The following TENM2 variants were observed in gnomAD, a reference collection of about 807,000 sequenced individuals.
The protein encoded by TENM2 is teneurin transmembrane protein 2, also known as teneurin-2.
TENM2 carries 52 observed loss-of-function variants against 245.2 expected under a neutral mutation model. The observed-to-expected ratio is 0.21, with a 90% CI of 0.17 to 0.27. The LOEUF is 0.27. Among genes scored for constraint, TENM2 ranks in the 10% least tolerant of loss-of-function variants. TENM2 has a pLI of 1.00. For synonymous variants in TENM2, 1,363 were observed against 1,438.9 expected, an observed-to-expected ratio of 0.95 and a Z score of 1.19; for missense variants, 3,046 against 3,666.8, an observed-to-expected ratio of 0.83 and a Z score of 4.37.
rs767211979 is a variant in TENM2 at position 168,204,630 on chromosome 5, C to G, written c.3824+9C>G. On this transcript the variant is annotated intron_variant, in intron 19 of 28. Transcript: ENST00000518659. ...AGCATCTTGGAGTTACGGTAAATGG[C>G]CTCACAGGCAACCTTCTTTTGCTCT... 1 of 1,611,936 alleles carries G rather than the reference C, an allele frequency of 6.2e-7. No individual in the cohort carries two copies. The highest frequency in any genetic ancestry group is 1.1e-5 in the South Asian group (1 of 90,966).
At chr5:168,184,189 T>A (rs1240316671) in intron 13 of TENM2, among the ~76,000 whole-genome samples, 2 of 152,244 alleles carry the variant, frequency 1.3e-5, no homozygotes, top group African/African-American at 4.8e-5. Flanking sequence ...CTCATGTTTT[T>A]AACCAATCCA....
the TENM2 span, among the ~76,000 whole-genome samples, chr5:167,047,693 G>A: frequency 6.6e-6 from 1 of 152,142 alleles, no homozygotes; most frequent in Admixed American, 6.6e-5. Flanking sequence ...GATTCTTTTT[G>A]AAGAGAACCT....
the TENM2 span, among the ~76,000 whole-genome samples, chr5:167,140,857 A>G: frequency 7.9e-5 from 12 of 152,226 alleles, no homozygotes; most frequent in African/African-American, 2.2e-4. Context: ...AACTAGGCTT[A>G]ATAAAGACCA....
the TENM2 span, among the ~76,000 whole-genome samples, chr5:167,220,425 ATTATT>A: frequency 1.3e-5 from 2 of 152,210 alleles, no homozygotes; most frequent in African/African-American, 4.8e-5. Flanking sequence ...AAAATTTTAA[ATTATT>A]TTAAACTGTG....
chr5:168,045,808 A>G (rs1341873729), intron 5 of TENM2, among the ~76,000 whole-genome samples: 2 of 152,202 alleles, frequency 1.3e-5, no homozygotes, highest in Admixed American at 6.5e-5. Context: ...TGAAGCCACC[A>G]TGATTAGTTC....
chr5:167,479,789 C>T (rs912520208), intron 2 of TENM2, among the ~76,000 whole-genome samples: 3 of 151,988 alleles, frequency 2.0e-5, no homozygotes, highest in Non-Finnish European at 4.4e-5. Context: ...ATATGGAAAC[C>T]GGAAGCATAG....
intron 2 of TENM2, among the ~76,000 whole-genome samples, chr5:167,742,591 A>C (rs1246104679): frequency 6.6e-6 from 1 of 152,146 alleles, no homozygotes; most frequent in East Asian, 1.9e-4. Flanking sequence ...ACTAGGGAAG[A>C]GGAAAAAGGG....
intron 7 of TENM2, among the ~76,000 whole-genome samples, chr5:168,081,095 C>T (rs910448184): frequency 6.6e-6 from 1 of 152,164 alleles, no homozygotes; most frequent in Non-Finnish European, 1.5e-5. Context: ...TAAGCACTTG[C>T]ATTATGAATC....
chr5:167,659,297 A>G (rs183354051), intron 2 of TENM2, among the ~76,000 whole-genome samples: 5 of 152,370 alleles, frequency 3.3e-5, no homozygotes, highest in East Asian at 3.9e-4. Context: ...AACTCCTATT[A>G]TAAGTATTGT....
intron 4 of TENM2, among the ~76,000 whole-genome samples, chr5:167,988,927 C>T (rs571204334): frequency 2.6e-5 from 4 of 152,226 alleles, no homozygotes; most frequent in Admixed American, 1.3e-4. Flanking sequence ...ATCCATTTTT[C>T]GTATAAATGA....
chr5:167,768,978 T>C (rs1258199186), intron 2 of TENM2, among the ~76,000 whole-genome samples: 1 of 152,190 alleles, frequency 6.6e-6, no homozygotes, highest in Non-Finnish European at 1.5e-5. Flanking sequence ...CTGTTTTTGG[T>C]ATCAAAAATC....
At chr5:167,940,413 T>TA (rs1479642678) in intron 3 of TENM2, among the ~76,000 whole-genome samples, 1 of 152,128 alleles carries the variant, frequency 6.6e-6, no homozygotes, top group Non-Finnish European at 1.5e-5. Flanking sequence ...ATGAGTTTTT[T>TA]AAAAAATGGG....
chr5:168,011,569 C>T (rs1294102439), intron 5 of TENM2, among the ~76,000 whole-genome samples: 1 of 152,076 alleles, frequency 6.6e-6, no homozygotes, highest in South Asian at 2.1e-4. Context: ...ACCACTTGAA[C>T]GAAAATAAGA....
chr5:167,855,081 C>G (rs1770941207), intron 2 of TENM2, among the ~76,000 whole-genome samples: 1 of 152,202 alleles, frequency 6.6e-6, no homozygotes, highest in African/African-American at 2.4e-5. Context: ...AAGTCAAAGA[C>G]CTTGCAGTGG....
intron 1 of TENM2, among the ~76,000 whole-genome samples, chr5:167,340,230 A>G (rs1027372005): frequency 1.3e-5 from 2 of 152,192 alleles, no homozygotes; most frequent in African/African-American, 4.8e-5. Context: ...AATGCACCTC[A>G]AAGTGCTTCT....
chr5:167,230,965 A>C, the TENM2 span, among the ~76,000 whole-genome samples: 1 of 152,110 alleles, frequency 6.6e-6, no homozygotes, highest in Non-Finnish European at 1.5e-5. Flanking sequence ...TGTTCTGGTG[A>C]TAGTGAGTTC....
intron 20 of TENM2, 115 bp downstream of exon 22, chr5:168,211,869 T>C (rs1762826261): frequency 1.6e-6 from 1 of 620,864 alleles, no homozygotes; most frequent in Non-Finnish European, 2.7e-6. Context: ...GTACCAAATA[T>C]AGTAACTTTT....
Position 167,758,512 on chromosome 5 carries a change from T to G in TENM2, c.503-117474T>G, listed in dbSNP as rs182078417. 2.5e-4 allele frequency among the ~76,000 whole-genome samples: 38 copies of G among 152,254 alleles called. 1 individual carries two copies. Among genetic ancestry groups the G allele is most frequent in the Admixed American group, 2.4e-3 (37 of 15,288 alleles). On this transcript the variant is annotated intron_variant, in intron 2 of 28. Coordinates refer to ENST00000518659, the Ensembl canonical transcript of TENM2. Reference sequence around the variant, plus strand: ...TTCCTACCAGCTTCCTCCTTGTCATTGTGCTATAGCAGGCTGTTTTTCTGT... The same window carrying G: ...TTCCTACCAGCTTCCTCCTTGTCATGGTGCTATAGCAGGCTGTTTTTCTGT...
chr5:167,627,258 A>C (rs892910102), intron 2 of TENM2, among the ~76,000 whole-genome samples: 2 of 152,176 alleles, frequency 1.3e-5, no homozygotes, highest in African/African-American at 4.8e-5. Flanking sequence ...AAGGCAACAC[A>C]CTAAAGAAAA....
Sources: gnomAD v4.1 joint callset for allele counts (sites outside exome capture counted in the v4.1 genomes callset) on GRCh38, gnomAD v4.1.1 for gene constraint, MANE v1.5 for transcripts, NCBI Gene and HGNC (gene_info 2026-07-23, HGNC 2026-07-21) for gene names.